The following BACH2 variants were observed in gnomAD, a reference collection of about 807,000 sequenced individuals.
BACH2 encodes BACH transcriptional regulator 2.
BACH2 carries 5 observed loss-of-function variants against 61.8 expected under a neutral mutation model. The ratio of observed to expected loss-of-function variants is 0.08; its 90% confidence interval spans 0.04 to 0.17. The LOEUF (loss-of-function observed/expected upper bound fraction) is 0.17, where lower values mean the gene tolerates loss of function less well. BACH2 is among the 10% of genes least tolerant of loss of function. The pLI is 1.00. For synonymous variants in BACH2, 446 were observed against 440.1 expected (o/e 1.01, Z -0.17); for missense variants, 824 against 1,091.1 (o/e 0.76, Z 3.45).
At chr6:90,226,690 C>A (rs1031807294) in intron 3 of BACH2, among the ~76,000 whole-genome samples, 3 of 151,910 alleles carry the variant, frequency 2.0e-5, no homozygotes, top group Non-Finnish European at 4.4e-5. Flanking sequence ...GAGCCCAAGT[C>A]CTTAGAATTT....
chr6:90,162,583 C>T (rs1360697608), intron 4 of BACH2, among the ~76,000 whole-genome samples: 2 of 151,982 alleles, frequency 1.3e-5, no homozygotes, highest in East Asian at 1.9e-4. Flanking sequence ...TTGGGGCTGC[C>T]GTGAGCTGTG....
chr6:90,286,423 G>A (rs1206826366), intron 1 of BACH2, among the ~76,000 whole-genome samples: 1 of 152,170 alleles, frequency 6.6e-6, no homozygotes, highest in Non-Finnish European at 1.5e-5. Flanking sequence ...CAGGAACACT[G>A]GTTGTCTGGA....
chr6:89,994,519 G>A (rs1162469524), intron 6 of BACH2, among the ~76,000 whole-genome samples: 1 of 152,156 alleles, frequency 6.6e-6, no homozygotes, highest in Non-Finnish European at 1.5e-5. Flanking sequence ...GAGACTGTGA[G>A]TGAAAGCCCA....
chr6:89,959,646 C>T (rs535079243), intron 6 of BACH2, among the ~76,000 whole-genome samples: 4 of 152,304 alleles, frequency 2.6e-5, no homozygotes, highest in African/African-American at 9.6e-5. Context: ...AACTTAACTA[C>T]CTTAATACAA....
chr6:90,057,076 A>G (rs544630111), intron 5 of BACH2, among the ~76,000 whole-genome samples: 1 of 152,330 alleles, frequency 6.6e-6, no homozygotes, highest in East Asian at 1.9e-4. Context: ...GAAAAGCAAG[A>G]GCAAACACAT....
intron 7 of BACH2, among the ~76,000 whole-genome samples, chr6:89,942,211 A>G (rs905467655): frequency 6.6e-6 from 1 of 152,158 alleles, no homozygotes; most frequent in Non-Finnish European, 1.5e-5. Context: ...GTGGGTGGGA[A>G]CTTGACCACA....
At position 90,271,934 on chromosome 6, in the gene BACH2, C is replaced by T. The variant is rs9111; in HGVS notation, c.-438G>A. 0.76 allele frequency: 115,420 copies of T among 152,140 alleles called. 45,082 individuals are homozygous for T. Among genetic ancestry groups the T allele is most frequent in the African/African-American group, 0.94 (39,156 of 41,524 alleles). 9.4% of individuals were successfully genotyped at this position (152,140 alleles called of 1,614,324 possible). On this transcript the variant is annotated 5_prime_UTR_variant, in exon 2 of 9. Transcript: ENST00000257749. ...ATGTTAAAACTGGGAGCTATGTGAA[C>T]GAACGCGCTGAAAGACAAAACACGT...
At chr6:90,260,433 T>G (rs1044480032) in intron 2 of BACH2, among the ~76,000 whole-genome samples, 1 of 152,222 alleles carries the variant, frequency 6.6e-6, no homozygotes, top group African/African-American at 2.4e-5. Flanking sequence ...ATACTAGACA[T>G]AATTTCAATC....
chr6:90,072,107 T>G (rs1214119463), intron 5 of BACH2, among the ~76,000 whole-genome samples: 1 of 152,192 alleles, frequency 6.6e-6, no homozygotes, highest in Non-Finnish European at 1.5e-5. Flanking sequence ...ACTTCAAACC[T>G]GTGTTGTTTA....
At chr6:90,164,492 G>T (rs1275509831) in intron 4 of BACH2, among the ~76,000 whole-genome samples, 1 of 151,710 alleles carries the variant, frequency 6.6e-6, no homozygotes, top group East Asian at 1.9e-4. Context: ...GTACAAGGAG[G>T]AGCTGGTACC....
chr6:90,253,554 T>A (rs1288772262), intron 2 of BACH2, among the ~76,000 whole-genome samples: 4 of 152,164 alleles, frequency 2.6e-5, no homozygotes, highest in African/African-American at 9.7e-5. Context: ...TGTAATTACA[T>A]GGGGAAAAGT....
chr6:90,132,953 C>T (rs1393815191), intron 4 of BACH2, among the ~76,000 whole-genome samples: 1 of 152,178 alleles, frequency 6.6e-6, no homozygotes, highest in Non-Finnish European at 1.5e-5. Context: ...ACATCTCCTC[C>T]AGGAAGACAG....
Position 90,005,661 on chromosome 6 carries a change from G to C in BACH2, c.243+2941C>G, listed in dbSNP as rs558053941. Reference sequence around the variant, plus strand: ...CAGGTGCCCTGAGCAGAGGGGGAGGGCTCTTCAAAGGAGGCCTCAGAAACA... The same window carrying C: ...CAGGTGCCCTGAGCAGAGGGGGAGGCCTCTTCAAAGGAGGCCTCAGAAACA... On this transcript the variant is annotated intron_variant, in intron 6 of 8. Coordinates refer to ENST00000257749, the MANE Select transcript of BACH2 (RefSeq NM_021813.4). Among the ~76,000 whole-genome samples, 154 of 152,280 alleles carry C rather than the reference G, an allele frequency of 1.0e-3. 1 individual carries two copies. Among genetic ancestry groups the C allele is most frequent in the African/African-American group, 3.5e-3 (147 of 41,554 alleles).
chr6:90,219,890 TAACC>T (rs1769681244), intron 3 of BACH2, among the ~76,000 whole-genome samples: 1 of 152,016 alleles, frequency 6.6e-6, no homozygotes, highest in African/African-American at 2.4e-5. Flanking sequence ...CCACTGCAAA[TAACC>T]AACTTAACTA....
intron 2 of BACH2, among the ~76,000 whole-genome samples, chr6:90,256,815 C>G (rs945674143): frequency 2.0e-5 from 3 of 152,100 alleles, no homozygotes; most frequent in African/African-American, 7.2e-5. Context: ...AGTCTTCATA[C>G]TGCACATTAG....
chr6:90,115,137 C>T (rs935042633), intron 4 of BACH2, among the ~76,000 whole-genome samples: 2 of 152,098 alleles, frequency 1.3e-5, no homozygotes, highest in African/African-American at 4.8e-5. Context: ...TATCAAGCTA[C>T]CAATGATATT....
At chr6:90,143,222 T>C (rs75834606) in intron 4 of BACH2, among the ~76,000 whole-genome samples, 1,661 of 152,272 alleles carry the variant, frequency 0.011, 23 homozygotes, top group African/African-American at 0.039. Context: ...CCATAAAGTC[T>C]TGGCAGCTAG....
chr6:90,237,523 G>A (rs117030250), intron 3 of BACH2, among the ~76,000 whole-genome samples: 5 of 152,220 alleles, frequency 3.3e-5, no homozygotes, highest in Admixed American at 1.3e-4. Flanking sequence ...TAATACTCAC[G>A]GTGAATGCAC....
chr6:90,060,094 G>A (rs759511145), intron 5 of BACH2, among the ~76,000 whole-genome samples: 29 of 150,706 alleles, frequency 1.9e-4, no homozygotes, highest in Non-Finnish European at 3.4e-4. Flanking sequence ...GCTGCACGTC[G>A]TGCACATGTA....
Sources: allele counts gnomAD v4.1 joint callset (sites outside exome capture counted in the v4.1 genomes callset), GRCh38; gene constraint gnomAD v4.1.1; transcripts MANE v1.5; gene names NCBI Gene and HGNC (gene_info 2026-07-23, HGNC 2026-07-21).